Variants in DDC observed in about 807,000 individuals in gnomAD.
The protein encoded by DDC is aromatic-L-amino-acid decarboxylase.
In DDC, 43 loss-of-function variants were observed where a neutral mutation model predicts 60.0. The ratio of observed to expected loss-of-function variants is 0.72; its 90% CI spans 0.56 to 0.92. DDC has a LOEUF of 0.92. Ranked by LOEUF, DDC falls within the 40% of genes least tolerant of loss-of-function variation. The probability of loss-of-function intolerance (pLI) is 0.00; values close to 1 mark genes in which losing one functional copy is unlikely to be tolerated. For synonymous variants in DDC, 232 were observed against 234.6 expected (o/e 0.99, Z 0.10); for missense variants, 573 against 620.2 (o/e 0.92, Z 0.81).
intron 6 of DDC, among the ~76,000 whole-genome samples, chr7:50,509,923 T>G (rs916099286): frequency 3.9e-5 from 6 of 152,240 alleles, no homozygotes; most frequent in African/African-American, 1.4e-4. Context: ...CAAGAAATTC[T>G]GATAAGTAAA....
At chr7:50,498,699 G>A (rs1354105338) in intron 8 of DDC, among the ~76,000 whole-genome samples, 1 of 152,204 alleles carries the variant, frequency 6.6e-6, no homozygotes, top group Non-Finnish European at 1.5e-5. Context: ...CTGCCTAGGG[G>A]CATTTAAATG....
Position 50,477,880 on chromosome 7 carries a change from A to G in DDC, c.1022-1237T>C, listed in dbSNP as rs575309548. Among the ~76,000 whole-genome samples the G allele has an allele frequency of 5.3e-5, 8 of 152,252 alleles. No homozygotes were observed. In the South Asian group the frequency reaches 1.7e-3, roughly 32 times the overall value. Reference sequence around the variant, plus strand: ...ACTGCAAATGAAACAACAACACTCAACAGAGTGCATGCAGAAAGCACTCAG... The same window carrying G: ...ACTGCAAATGAAACAACAACACTCAGCAGAGTGCATGCAGAAAGCACTCAG... On this transcript the variant is annotated intron_variant, in intron 10 of 14. Transcript: ENST00000444124.
At position 50,543,767 on chromosome 7, in the gene DDC, C is replaced by T. The variant is rs1014927875; in HGVS notation, c.201+118G>A. On this transcript the variant is annotated intron_variant, in intron 2 of 14. Transcript: ENST00000444124. Reference sequence around the variant, plus strand: ...TTGTAAAATAGAAATGACAAAATTTCTCTCCAACCTGACTGCCATAGGGAT... The same window carrying T: ...TTGTAAAATAGAAATGACAAAATTTTTCTCCAACCTGACTGCCATAGGGAT... 4 of 1,043,692 alleles carry T rather than the reference C, an allele frequency of 3.8e-6. No homozygotes were observed. The Middle Eastern group carries it at 8.4e-4, about 219-fold the overall frequency. 64.7% of individuals were successfully genotyped at this position (1,043,692 alleles called of 1,614,324 possible). A position where few individuals can be genotyped will look rare whatever the true frequency, so the allele number is the denominator to read the frequency against.
At chr7:50,504,210 A>T (rs1307842330) in intron 6 of DDC, 151 bp from the exon 7 acceptor site, 4 of 695,614 alleles carry the variant, frequency 5.8e-6, no homozygotes, top group Non-Finnish European at 1.1e-5. Flanking sequence ...AAGCCCATGG[A>T]TGCACATTGA....
At chr7:50,486,961 C>A (rs774391601) in intron 9 of DDC, among the ~76,000 whole-genome samples, 4 of 152,132 alleles carry the variant, frequency 2.6e-5, no homozygotes, top group Non-Finnish European at 5.9e-5. Context: ...TGCTCCTTTT[C>A]TCTTGCAACA....
chr7:50,556,341 C>T (rs1418061535), intron 1 of DDC, among the ~76,000 whole-genome samples: 2 of 152,168 alleles, frequency 1.3e-5, no homozygotes, highest in Non-Finnish European at 2.9e-5. Context: ...TCTATGTCCT[C>T]ACATGGTGAA....
At chr7:50,507,294 G>A (rs79666456) in intron 6 of DDC, among the ~76,000 whole-genome samples, 6,140 of 152,002 alleles carry the variant, frequency 0.04, 262 homozygotes, top group African/African-American at 0.11. Context: ...CTGGAGTGCA[G>A]TGGTGCGATC....
At chr7:50,524,990 G>T (rs1464377606) in intron 6 of DDC, among the ~76,000 whole-genome samples, 2 of 152,210 alleles carry the variant, frequency 1.3e-5, no homozygotes, top group Non-Finnish European at 2.9e-5. Flanking sequence ...CCAAATCTCT[G>T]TGGTGCAGCA....
At chr7:50,541,348 C>T (rs2044623300) in intron 2 of DDC, 1 of 152,342 alleles carries the variant, frequency 6.6e-6, no homozygotes, top group South Asian at 2.1e-4. Context: ...TCCTCCAGGT[C>T]TGGCTCAGAA....
chr7:50,523,414 A>T (rs2043952880), intron 6 of DDC, among the ~76,000 whole-genome samples: 1 of 152,216 alleles, frequency 6.6e-6, no homozygotes, highest in Admixed American at 6.5e-5. Flanking sequence ...ACATTGGCAA[A>T]ACATATATCT....
At chr7:50,529,384 G>A (rs1195687589) in intron 4 of DDC, 42 bp from the exon 5 acceptor site, 10 of 1,610,040 alleles carry the variant, frequency 6.2e-6, no homozygotes, top group South Asian at 4.4e-5. Context: ...CAAACATAGC[G>A]AAGGCATTGG....
chr7:50,543,836 C>A, intron 2 of DDC, 49 bp downstream of exon 2: 1 of 1,541,840 alleles, frequency 6.5e-7, no homozygotes, highest in Middle Eastern at 1.7e-4. Flanking sequence ...CAAGTAGGTG[C>A]TATGTGAGTT....
Position 50,528,431 on chromosome 7 carries a change from C to T in DDC, c.571-151G>A, listed in dbSNP as rs528293202. ...AACTGCTCCTGACTGCTCCCTCTCC[C>T]CTGCACCTTCATGAGACCCCTTTTT... On this transcript the variant is annotated intron_variant, in intron 5 of 14. Coordinates refer to ENST00000444124, the MANE Select transcript of DDC (RefSeq NM_001082971.2). The T allele has an allele frequency of 8.0e-6, 7 of 875,402 alleles. No individual in the cohort carries two copies. In the East Asian group the frequency reaches 1.7e-4, roughly 22 times the overall value. 54.2% of individuals were successfully genotyped at this position (875,402 alleles called of 1,614,324 possible).
At chr7:50,461,054 A>T (rs5014165) in intron 14 of DDC, among the ~76,000 whole-genome samples, 9,461 of 151,742 alleles carry the variant, frequency 0.062, 338 homozygotes, top group East Asian at 0.13. Context: ...AATAAAAAAA[A>T]AAATAAATAA....
chr7:50,527,253 T>C (rs994644472), intron 6 of DDC, among the ~76,000 whole-genome samples: 1 of 152,350 alleles, frequency 6.6e-6, no homozygotes, highest in East Asian at 1.9e-4. Context: ...TGTCTTTTTA[T>C]TTCATGAGTT....
rs1562983213 is a variant in DDC, at chr7:50,470,141, G to A, written c.1072C>T (p.Arg358Cys). ...AATACAAACCACATTTTCAAAGAGC[G>A]AAATCTTCTGCCCAGTGGTATCTGC... ...HWQIPLGRRFRSLKMWFVFRM... is the reference protein window; with the variant it reads ...HWQIPLGRRFCSLKMWFVFRM... The change falls in exon 12 of 15, where the codon CGC becomes TGC. Residue 358 changes from arginine to cysteine, a missense_variant. By Grantham distance (180) the Arg-to-Cys change is radical. Coordinates refer to ENST00000444124, the MANE Select transcript of DDC (RefSeq NM_001082971.2). The A allele has an allele frequency of 1.2e-6, 2 of 1,613,190 alleles. No individual in the cohort carries two copies. The highest frequency in any genetic ancestry group is 1.7e-6 in the Non-Finnish European group (2 of 1,179,210).
At chr7:50,524,695 C>A (rs116753594) in intron 6 of DDC, among the ~76,000 whole-genome samples, 1,909 of 152,134 alleles carry the variant, frequency 0.013, 35 homozygotes, top group African/African-American at 0.044. Flanking sequence ...GTATAAAGAG[C>A]CTGATTTTCT....
rs925778879 is a variant in DDC at position 50,539,719 on chromosome 7, T to C, written c.315+196A>G. 6 of 584,352 alleles carry C rather than the reference T, an allele frequency of 1.0e-5. No individual in the cohort carries two copies. The Admixed American group carries it at 1.4e-4, about 14-fold the overall frequency. The allele number at this position is 584,352 out of a possible 1,614,324, so 36.2% of individuals were successfully genotyped here. A position where few individuals can be genotyped will look rare whatever the true frequency, so the allele number is the denominator to read the frequency against. On this transcript the variant is annotated intron_variant, in intron 3 of 14. Coordinates refer to ENST00000444124, the MANE Select transcript of DDC (RefSeq NM_001082971.2). ...AGAATGGGCTTTGAGTTGTTGAGAC[T>C]TTCTCTGTTCTCAATCGCTACTTTC...
At chr7:50,523,853 A>T (rs1344381536) in intron 6 of DDC, among the ~76,000 whole-genome samples, 1 of 152,240 alleles carries the variant, frequency 6.6e-6, no homozygotes, top group African/African-American at 2.4e-5. Flanking sequence ...TTATGTACAC[A>T]CAAAAACCTG....
Sources: gnomAD v4.1 joint callset for allele counts (sites outside exome capture counted in the v4.1 genomes callset) on GRCh38, gnomAD v4.1.1 for gene constraint, MANE v1.5 for transcripts, NCBI Gene and HGNC (gene_info 2026-07-23, HGNC 2026-07-21) for gene names.